Variants in ABCG2 observed in about 807,000 individuals in gnomAD.
ABCG2 encodes ATP binding cassette subfamily G member 2 (JR blood group).
ABCG2 carries 80 observed loss-of-function variants against 73.5 expected under a neutral mutation model. That is an observed-to-expected ratio of 1.09 (90% CI 0.91 to 1.31). The LOEUF (loss-of-function observed/expected upper bound fraction) is 1.31, where lower values mean the gene tolerates loss of function less well. Among genes scored for constraint, ABCG2 ranks in the 50% most tolerant of loss-of-function variants. The pLI, the probability that ABCG2 is intolerant of heterozygous loss-of-function variation, is 0.00. For synonymous variants in ABCG2, 269 were observed against 282.4 expected, an observed-to-expected ratio of 0.95 and a Z score of 0.48; for missense variants, 796 against 786.2, an observed-to-expected ratio of 1.01 and a Z score of -0.15.
intron 1 of ABCG2, among the ~76,000 whole-genome samples, chr4:88,186,744 C>T (rs1312313416): frequency 7.3e-5 from 11 of 151,140 alleles, no homozygotes; most frequent in African/African-American, 2.4e-4. Flanking sequence ...ACGGTGAAAC[C>T]CCGTCTCTAC....
chr4:88,223,091 C>T (rs1220528803), intron 1 of ABCG2, among the ~76,000 whole-genome samples: 1 of 152,194 alleles, frequency 6.6e-6, no homozygotes, highest in Non-Finnish European at 1.5e-5. Context: ...AATGCCATTA[C>T]CCCCATTGTA....
chr4:88,118,462 G>A (rs1322489182), intron 6 of ABCG2, among the ~76,000 whole-genome samples: 12 of 152,294 alleles, frequency 7.9e-5, no homozygotes, highest in Admixed American at 7.8e-4. Context: ...AATTTTCAGT[G>A]TGTTGTATTG....
intron 1 of ABCG2, among the ~76,000 whole-genome samples, chr4:88,213,982 C>CTTTTT (rs33984842): frequency 0.019 from 1,147 of 59,656 alleles, 25 homozygotes; most frequent in Non-Finnish European, 0.025. Context: ...CACGCCCGGC[C>CTTTTT]TTTTTTTTTT....
intron 7 of ABCG2, among the ~76,000 whole-genome samples, chr4:88,115,308 G>A (rs565405972): frequency 8.0e-6 from 1 of 125,736 alleles, no homozygotes; most frequent in East Asian, 2.5e-4. Flanking sequence ...TTTTGAGACA[G>A]GGTCTCCCTC....
intron 1 of ABCG2, among the ~76,000 whole-genome samples, chr4:88,203,671 T>C (rs773987252): frequency 6.6e-6 from 1 of 151,136 alleles, no homozygotes; most frequent in Non-Finnish European, 1.5e-5. Flanking sequence ...GGAGAATCGC[T>C]TGAACCCAGG....
chr4:88,209,327 CAAA>C (rs1401380548), intron 1 of ABCG2, among the ~76,000 whole-genome samples: 2 of 110,898 alleles, frequency 1.8e-5, no homozygotes, highest in Non-Finnish European at 3.8e-5. Context: ...AAAAAAAAAA[CAAA>C]AAAGCAAACA....
At chr4:88,126,523 C>T (rs909557808) in intron 5 of ABCG2, among the ~76,000 whole-genome samples, 1 of 152,178 alleles carries the variant, frequency 6.6e-6, no homozygotes, top group African/African-American at 2.4e-5. Flanking sequence ...ATGTGAATAT[C>T]CTCAATAAAC....
intron 1 of ABCG2, among the ~76,000 whole-genome samples, chr4:88,145,190 T>C (rs1245401901): frequency 6.6e-6 from 1 of 152,238 alleles, no homozygotes; most frequent in Non-Finnish European, 1.5e-5. Flanking sequence ...TTAAAGTGTT[T>C]ACTGAGGTTA....
chr4:88,220,901 A>C (rs146749422), intron 1 of ABCG2, among the ~76,000 whole-genome samples: 4 of 152,266 alleles, frequency 2.6e-5, no homozygotes, highest in African/African-American at 9.6e-5. Flanking sequence ...CCCTTCTGCC[A>C]TGATTGTAAG....
At chr4:88,118,477 T>C (rs1871744) in intron 6 of ABCG2, among the ~76,000 whole-genome samples, 23,464 of 152,196 alleles carry the variant, frequency 0.15, 2,088 homozygotes, top group East Asian at 0.29. Flanking sequence ...GTATTGACAA[T>C]CTAGAATCAA....
chr4:88,149,503 T>C lies in ABCG2; in HGVS notation c.-20+8883A>G, dbSNP rs553545824. On this transcript the variant is annotated intron_variant, in intron 1 of 15. Transcript: ENST00000237612. ...CAGCTCCTTCTCCCCTTAAACTTCC[T>C]AGCCACAGAACCCTGGAGAAACTGC... Among the ~76,000 whole-genome samples, 9 of 152,300 alleles carry C rather than the reference T, an allele frequency of 5.9e-5. No individual in the cohort carries two copies. The East Asian group carries it at 1.7e-3, about 29-fold the overall frequency.
intron 2 of ABCG2, among the ~76,000 whole-genome samples, chr4:88,134,836 C>T (rs1725133499): frequency 1.3e-5 from 2 of 152,204 alleles, no homozygotes; most frequent in South Asian, 2.1e-4. Flanking sequence ...ATCCACTCAA[C>T]ACAATGATCA....
At chr4:88,120,413 C>T (rs1723889282) in intron 6 of ABCG2, among the ~76,000 whole-genome samples, 1 of 152,142 alleles carries the variant, frequency 6.6e-6, no homozygotes, top group African/African-American at 2.4e-5. Flanking sequence ...TCTGGAAAAG[C>T]CACAGACACT....
At chr4:88,133,864 G>T (rs72554043) in intron 2 of ABCG2, among the ~76,000 whole-genome samples, 1 of 152,070 alleles carries the variant, frequency 6.6e-6, no homozygotes, top group African/African-American at 2.4e-5. Flanking sequence ...CAGACACGGT[G>T]GTGGGTGCCT....
intron 10 of ABCG2, among the ~76,000 whole-genome samples, chr4:88,105,252 A>G (rs1722695442): frequency 6.6e-6 from 1 of 152,250 alleles, no homozygotes; most frequent in Middle Eastern, 3.2e-3. Flanking sequence ...TCTTTAAAAA[A>G]TAATCAGCCT....
At chr4:88,162,682 T>C (rs183984830), upstream of ABCG2, among the ~76,000 whole-genome samples, 1 of 152,328 alleles carries the variant, frequency 6.6e-6, no homozygotes, top group East Asian at 1.9e-4. Context: ...TAAGTTAGCA[T>C]TGTTTTTGGA....
intron 4 of ABCG2, among the ~76,000 whole-genome samples, 161 bp downstream of exon 4, chr4:88,131,642 T>C (rs1177932964): frequency 6.6e-6 from 1 of 152,254 alleles, no homozygotes; most frequent in Non-Finnish European, 1.5e-5. Context: ...TCCCTGCCTT[T>C]TCACATAAGT....
At chr4:88,211,888 T>C (rs970537024) in intron 1 of ABCG2, among the ~76,000 whole-genome samples, 6 of 152,186 alleles carry the variant, frequency 3.9e-5, no homozygotes, top group African/African-American at 1.4e-4. Context: ...CTCTTCCAGA[T>C]AAAATCAAGT....
chr4:88,172,224 G>A (rs1284194969), intron 1 of ABCG2, among the ~76,000 whole-genome samples: 1 of 149,990 alleles, frequency 6.7e-6, no homozygotes, highest in Non-Finnish European at 1.5e-5. Flanking sequence ...AACCTGGGAA[G>A]CAGAGGTTGC....
Sources: allele counts gnomAD v4.1 joint callset (sites outside exome capture counted in the v4.1 genomes callset), GRCh38; gene constraint gnomAD v4.1.1; transcripts MANE v1.5; gene names NCBI Gene and HGNC (gene_info 2026-07-23, HGNC 2026-07-21).